The following KIF22 variants were observed in gnomAD, a reference collection of about 807,000 sequenced individuals.
The protein encoded by KIF22 is kinesin-like protein KIF22.
In KIF22, 62 loss-of-function variants were observed where a neutral mutation model predicts 73.0. The observed-to-expected ratio is 0.85, with a 90% CI of 0.69 to 1.05. The LOEUF is 1.05. Ranked by LOEUF, KIF22 falls within the 50% of genes least tolerant of loss-of-function variation. The pLI is 0.00. For synonymous variants in KIF22, 411 were observed against 340.1 expected (o/e 1.21, Z -2.29); for missense variants, 854 against 870.1 (o/e 0.98, Z 0.23).
At chr16:29,800,084 A>G in intron 8 of KIF22, 36 bp downstream of exon 8, 2 of 1,583,456 alleles carry the variant, frequency 1.3e-6, no homozygotes, top group Non-Finnish European at 1.7e-6. Context: ...CCCCTTCCTG[A>G]TGTATGGCTT....
rs2142370070 is a variant in KIF22 at position 29,796,938 on chromosome 16, C to T, written c.116C>T (p.Pro39Leu). The T allele has an allele frequency of 3.7e-6, 6 of 1,614,166 alleles. No individual in the cohort carries two copies. The South Asian group carries it at 6.6e-5, about 18-fold the overall frequency. Residue 39 changes from proline to leucine, a missense_variant, in exon 2 of 14, where the codon CCA (proline) becomes CTA (leucine). Coordinates refer to ENST00000160827, the MANE Select transcript of KIF22 (RefSeq NM_007317.3). ...RLSKIGATRR[P>L]PPARVRVAVR... ...AGCAAGATTGGAGCTACTCGTCGTC[C>T]ACCTCCAGCTCGCGTAAGGGTGGCT...
At chr16:29,791,050 C>G (rs989167409) in intron 1 of KIF22, 1 of 1,409,976 alleles carries the variant, frequency 7.1e-7, no homozygotes. Context: ...TCAGTAGACT[C>G]GGGTCTCCGG....
chr16:29,802,697 G>A (rs944112139), intron 8 of KIF22, 72 bp from the exon 9 acceptor site: 4 of 1,395,610 alleles, frequency 2.9e-6, no homozygotes, highest in Non-Finnish European at 3.8e-6. Context: ...AAGGTGTGGT[G>A]AGGGGAGTCC....
At chr16:29,799,221 C>T (rs776146951) in intron 5 of KIF22, 37 bp downstream of exon 5, 1 of 1,610,990 alleles carries the variant, frequency 6.2e-7, no homozygotes, top group Non-Finnish European at 8.5e-7. Context: ...CTGGGAAGCC[C>T]AGGAGCCTGA....
rs752489717 is a variant in KIF22 at position 29,797,078 on chromosome 16, C to G, written c.256C>G (p.Leu86Val). The G allele has an allele frequency of 5.0e-6, 8 of 1,587,258 alleles. No homozygotes were observed. In the African/African-American group the frequency reaches 1.1e-4, roughly 21 times the overall value. ...TAACTGGAGGAACCACCAGGAGACT[C>G]TCAAATACCAGTAAGGTTCAGGCCA... ...IANWRNHQET[L>V]KYQFDAFYGE... The change falls in exon 2 of 14, where the codon CTC becomes GTC. Residue 86 changes from leucine to valine, a missense_variant. Coordinates refer to ENST00000160827, the MANE Select transcript of KIF22 (RefSeq NM_007317.3). The surrounding 1 kb of genome is among the most constrained non-coding windows in gnomAD (Gnocchi z 4.1).
In KIF22 at chr16:29,804,024, G is replaced by A. The variant is rs748534389; in HGVS notation, c.1636G>A (p.Ala546Thr). 2 of 1,606,598 alleles carry A rather than the reference G, an allele frequency of 1.2e-6. No homozygotes were observed. The highest frequency in any genetic ancestry group is 2.2e-5 in the South Asian group (2 of 90,684). Residue 546 changes from alanine (A) to threonine (T), a missense_variant, in exon 11 of 14, where the codon GCC (alanine) becomes ACC (threonine). Ala to Thr is a moderately conservative substitution (Grantham distance 58, BLOSUM62 0). Coordinates refer to ENST00000160827, the MANE Select transcript of KIF22 (RefSeq NM_007317.3). ...TCAGGAGCAGGCAGCATCCCCAAAT[G>A]CCGAGATCCACATCCTGAAGAATAA... ...LIQEQAASPNAEIHILKNKGR... is the reference protein window; with the variant it reads ...LIQEQAASPNTEIHILKNKGR...
chr16:29,802,993 T>G, intron 9 of KIF22, 56 bp downstream of exon 9: 1 of 1,553,418 alleles, frequency 6.4e-7, no homozygotes, highest in Non-Finnish European at 8.8e-7. Flanking sequence ...GAAGCAATCC[T>G]TGGATCTTCA....
chr16:29,799,553 G>A, intron 6 of KIF22, 59 bp downstream of exon 6: 1 of 1,611,594 alleles, frequency 6.2e-7, no homozygotes, highest in Non-Finnish European at 8.5e-7. Flanking sequence ...CAGGCCTGCT[G>A]TGGGGTGGGG....
At position 29,804,853 on chromosome 16, in the gene KIF22, G is replaced by C; in HGVS notation, c.1717G>C (p.Glu573Gln). 6.2e-7 allele frequency: 1 copy of C among 1,613,486 alleles called. No homozygotes were observed. Among genetic ancestry groups the C allele is most frequent in the Non-Finnish European group, 8.5e-7 (1 of 1,179,812 alleles). Residue 573 changes from glutamate (E) to glutamine (Q), a missense_variant, in exon 12 of 14, where the codon GAG becomes CAG. By Grantham distance (29) the Glu-to-Gln change is conservative. Around this residue, in one of 3 missense-constraint regions of KIF22, gnomAD observed 423 missense variants for 365.4 expected, o/e 1.16. Coordinates refer to ENST00000160827, the MANE Select transcript of KIF22 (RefSeq NM_007317.3). ...TGCCCTAGAGCCTGAGGAGAAGGCTGAGGACTGCTGGGAGCTACAGATCAG... is the reference window on the plus strand; with the variant it reads ...TGCCCTAGAGCCTGAGGAGAAGGCTCAGGACTGCTGGGAGCTACAGATCAG... ...LDALEPEEKA[E>Q]DCWELQISPE...
chr16:29,790,982 C>T lies in KIF22; in HGVS notation c.70+153C>T, dbSNP rs907721020. 45 of 1,462,136 alleles carry T rather than the reference C, an allele frequency of 3.1e-5. No homozygotes were observed. The Admixed American group carries it at 4.5e-4, about 15-fold the overall frequency. 90.6% of individuals were successfully genotyped at this position (1,462,136 alleles called of 1,614,324 possible). On this transcript the variant is annotated intron_variant, in intron 1 of 13. Transcript: ENST00000160827. Reference sequence around the variant, plus strand: ...GGGGGACGGTGAGAGTGTGGGGTCGCGAGCCGGTCGCCCCGCCTGGCTCCT... The same window carrying T: ...GGGGGACGGTGAGAGTGTGGGGTCGTGAGCCGGTCGCCCCGCCTGGCTCCT...
In KIF22 at chr16:29,800,036, C is replaced by T. The variant is rs1013157217; in HGVS notation, c.1268C>T (p.Ser423Phe). Residue 423 changes from serine (S) to phenylalanine (F), a missense_variant, in exon 8 of 14, where the codon TCC becomes TTC. This residue lies in a region of KIF22 where 423 missense variants were observed against 365.4 expected (regional missense o/e 1.16). Transcript: ENST00000160827. ...PEPMAAPASASQKLSPLQKLS... is the reference protein window; with the variant it reads ...PEPMAAPASAFQKLSPLQKLS... ...CCCATGGCAGCTCCAGCCTCTGCCT[C>T]CCAGAAACTCAGGTGAGCAGTGGGG... 1.7e-5 allele frequency: 28 copies of T among 1,611,840 alleles called. No homozygotes were observed. The highest frequency in any genetic ancestry group is 2.4e-5 in the Non-Finnish European group (28 of 1,179,848).
rs1369804401 is a variant in KIF22 at position 29,790,828 on chromosome 16, A to G, written c.69A>G (p.Ser23=). Residue 23 remains serine, a splice_region_variant and synonymous_variant, in exon 1 of 14, where the codon TCA becomes TCG. Coordinates refer to ENST00000160827, the MANE Select transcript of KIF22 (RefSeq NM_007317.3). The stretch of plus-strand genomic sequence containing the variant: ...CGGCAGCTTCAGCGGCGGCGATCTC[A>G]GGTACTTGAGCCCGGCCTGGGCAAG... ...EMAAASAAAI[S]GAGRCRLSKI... 7 of 1,600,258 alleles carry G rather than the reference A, an allele frequency of 4.4e-6. No homozygotes were observed. The highest frequency in any genetic ancestry group is 4.3e-6 in the Non-Finnish European group (5 of 1,173,624).
rs766845044 is a variant in KIF22, at chr16:29,802,822, G to A, written c.1334G>A (p.Ser445Asn). 1.2e-6 allele frequency: 2 copies of A among 1,611,006 alleles called. No homozygotes were observed. Among genetic ancestry groups the A allele is most frequent in the Non-Finnish European group, 1.7e-6 (2 of 1,178,888 alleles). ...CCGGCCATGCTGGAGCGCCTCCTCA[G>A]CTTGGACCGTCTGCTTGCCTCCCAG... ...MDPAMLERLLSLDRLLASQGS... is the reference protein window; with the variant it reads ...MDPAMLERLLNLDRLLASQGS... The change falls in exon 9 of 14, where the codon AGC (serine) becomes AAC (asparagine). Residue 445 changes from serine to asparagine, a missense_variant. Transcript: ENST00000160827.
intron 11 of KIF22, chr16:29,804,370 A>G (rs1232811942): frequency 3.3e-6 from 2 of 601,272 alleles, no homozygotes; most frequent in East Asian, 2.8e-5. Context: ...GTCAAGCAAG[A>G]AACCACACAT....
In KIF22 at chr16:29,797,035, C is replaced by T; in HGVS notation, c.213C>T (p.Ser71=). The part of the protein sequence containing the change: ...SDPPCVRGMD[S]CSLEIANWRN... Reference sequence around the variant, plus strand: ...CCCCCTGTGTGCGGGGCATGGACAGCTGCTCTCTAGAGATTGCTAACTGGA... The same window carrying T: ...CCCCCTGTGTGCGGGGCATGGACAGTTGCTCTCTAGAGATTGCTAACTGGA... The change falls in exon 2 of 14, where the codon AGC becomes AGT. Residue 71 remains serine (S), a synonymous_variant. Transcript: ENST00000160827. The surrounding 1 kb of genome is among the most constrained non-coding windows in gnomAD (Gnocchi z 4.1). 1 of 1,611,888 alleles carries T rather than the reference C, an allele frequency of 6.2e-7. No individual in the cohort carries two copies. The highest frequency in any genetic ancestry group is 1.7e-5 in the Admixed American group (1 of 59,842).
intron 1 of KIF22, among the ~76,000 whole-genome samples, chr16:29,794,750 T>G (rs979404368): frequency 2.0e-5 from 3 of 152,022 alleles, no homozygotes; most frequent in Admixed American, 2.0e-4. Flanking sequence ...CCTGACTAAT[T>G]TTTGTATTTT....
intron 1 of KIF22, among the ~76,000 whole-genome samples, chr16:29,795,279 A>G (rs1898920831): frequency 6.6e-6 from 1 of 152,234 alleles, no homozygotes; most frequent in Admixed American, 6.5e-5. Flanking sequence ...TAACGTGAGA[A>G]ATGGTATTAG....
At position 29,798,291 on chromosome 16, in the gene KIF22, A is replaced by G; in HGVS notation, c.267-83A>G. On this transcript the variant is annotated intron_variant, in intron 2 of 13. Coordinates refer to ENST00000160827, the MANE Select transcript of KIF22 (RefSeq NM_007317.3). The surrounding 1 kb of genome is among the most constrained non-coding windows in gnomAD (Gnocchi z 4.1). ...CAGATGAGAGTAGAATCCCTTACCC[A>G]CCCCCACCCCACTCCACCCCTTACA... 30 of 691,890 alleles carry G rather than the reference A, an allele frequency of 4.3e-5. No individual in the cohort carries two copies. The highest frequency in any genetic ancestry group is 6.1e-5 in the Non-Finnish European group (28 of 461,398). The allele number at this position is 691,890 out of a possible 1,614,324, so 42.9% of individuals were successfully genotyped here.
At chr16:29,795,167 A>G (rs988395881) in intron 1 of KIF22, among the ~76,000 whole-genome samples, 5 of 152,206 alleles carry the variant, frequency 3.3e-5, no homozygotes, top group African/African-American at 1.2e-4. Context: ...TCAGTTTTCT[A>G]TCTGCACACA....
Sources: allele counts gnomAD v4.1 joint callset (sites outside exome capture counted in the v4.1 genomes callset), GRCh38; gene constraint gnomAD v4.1.1; regional missense constraint gnomAD v4.1.1; non-coding constraint Gnocchi (gnomAD v3.1); transcripts MANE v1.5; gene names NCBI Gene and HGNC (gene_info 2026-07-23, HGNC 2026-07-21).